Variants in ZHX2 observed in about 807,000 individuals in gnomAD.
The protein encoded by ZHX2 is zinc fingers and homeoboxes protein 2.
ZHX2 carries 6 observed loss-of-function variants against 21.9 expected under a neutral mutation model. That is an observed-to-expected ratio of 0.27 (90% confidence interval 0.15 to 0.54). The LOEUF (loss-of-function observed/expected upper bound fraction) is 0.54, where lower values mean the gene tolerates loss of function less well. Among genes scored for constraint, ZHX2 ranks in the 20% least tolerant of loss-of-function variants. The pLI, the probability that ZHX2 is intolerant of heterozygous loss-of-function variation, is 0.95. For synonymous variants in ZHX2, 434 were observed against 437.1 expected (o/e 0.99, Z 0.09); for missense variants, 908 against 1,090.7 (o/e 0.83, Z 2.36).
rs111715209 is a variant in ZHX2, at chr8:122,862,655, A to G, written c.-282-822A>G. The stretch of plus-strand genomic sequence containing the variant: ...GCCACCTGAAAGTTTTCTTTCCCCC[A>G]GCCAAAAGGTTCTCCTTTGAAAACA... On this transcript the variant is annotated intron_variant, in intron 1 of 3. Transcript: ENST00000314393. Among the ~76,000 whole-genome samples the G allele has an allele frequency of 9.2e-3, 1,405 of 152,288 alleles. 27 individuals carry two copies. The highest frequency in any genetic ancestry group is 0.032 in the African/African-American group (1,319 of 41,552).
chr8:122,783,066 A>AGGC, intron 1 of ZHX2, among the ~76,000 whole-genome samples: 1 of 152,142 alleles, frequency 6.6e-6, no homozygotes, highest in East Asian at 1.9e-4. Context: ...GAGGAGGTGG[A>AGGC]GGCGGCGGCG....
intron 2 of ZHX2, among the ~76,000 whole-genome samples, chr8:122,914,260 A>G (rs1024800587): frequency 6.6e-6 from 1 of 152,230 alleles, no homozygotes; most frequent in African/African-American, 2.4e-5. Flanking sequence ...TCTGCCAGGC[A>G]GCCTGAGTGG....
At chr8:122,928,952 C>A (rs900229061) in intron 2 of ZHX2, among the ~76,000 whole-genome samples, 2 of 152,158 alleles carry the variant, frequency 1.3e-5, no homozygotes, top group Non-Finnish European at 2.9e-5. Flanking sequence ...GTTACAATTA[C>A]TATCATTATT....
At chr8:122,859,975 G>GTATCAGTCC (rs1293049928) in intron 1 of ZHX2, among the ~76,000 whole-genome samples, 1 of 152,176 alleles carries the variant, frequency 6.6e-6, no homozygotes, top group Admixed American at 6.5e-5. Flanking sequence ...ATTAGTACCT[G>GTATCAGTCC]TATCAGTCCA....
chr8:122,929,618 G>C (rs182557272), intron 2 of ZHX2, among the ~76,000 whole-genome samples: 3 of 151,414 alleles, frequency 2.0e-5, no homozygotes, highest in Admixed American at 2.0e-4. Flanking sequence ...GCTCCAGCCT[G>C]GGTGACAGCG....
At chr8:122,804,863 C>T (rs1817793016) in intron 1 of ZHX2, among the ~76,000 whole-genome samples, 1 of 152,288 alleles carries the variant, frequency 6.6e-6, no homozygotes, top group Middle Eastern at 3.4e-3. Flanking sequence ...ACATACAATG[C>T]CGTGTCTGGA....
chr8:122,789,728 A>G (rs1342581136), intron 1 of ZHX2, among the ~76,000 whole-genome samples: 2 of 152,236 alleles, frequency 1.3e-5, no homozygotes, highest in African/African-American at 4.8e-5. Context: ...CATTAAGGGG[A>G]AAAGATGGGT....
At chr8:122,913,070 G>A (rs751819359) in intron 2 of ZHX2, among the ~76,000 whole-genome samples, 9 of 152,150 alleles carry the variant, frequency 5.9e-5, no homozygotes, top group Non-Finnish European at 1.0e-4. Flanking sequence ...AGCTCTAGGC[G>A]ACCACTCATC....
intron 2 of ZHX2, among the ~76,000 whole-genome samples, chr8:122,929,239 T>C (rs1820925582): frequency 2.0e-5 from 3 of 152,184 alleles, no homozygotes; most frequent in Admixed American, 2.0e-4. Context: ...CAGCCAGAGC[T>C]CCTTGATCAG....
At chr8:122,901,618 C>T (rs1820232302) in intron 2 of ZHX2, among the ~76,000 whole-genome samples, 1 of 152,194 alleles carries the variant, frequency 6.6e-6, no homozygotes, top group Non-Finnish European at 1.5e-5. Context: ...CTCTTTAAAA[C>T]CACTTGTACG....
At chr8:122,845,327 A>G (rs1586319515) in intron 1 of ZHX2, among the ~76,000 whole-genome samples, 2 of 152,238 alleles carry the variant, frequency 1.3e-5, no homozygotes, top group East Asian at 3.8e-4. Flanking sequence ...TGAAGATCAC[A>G]TTATTGTCAT....
chr8:122,793,208 C>T (rs1817553708), intron 1 of ZHX2, among the ~76,000 whole-genome samples: 1 of 152,212 alleles, frequency 6.6e-6, no homozygotes, highest in Non-Finnish European at 1.5e-5. Flanking sequence ...TGGCATATGT[C>T]TGACCTTACC....
At chr8:122,920,924 C>T (rs986356736) in intron 2 of ZHX2, among the ~76,000 whole-genome samples, 5 of 152,154 alleles carry the variant, frequency 3.3e-5, no homozygotes, top group Non-Finnish European at 7.4e-5. Flanking sequence ...CCTACGTTTG[C>T]GTCCTGCTTT....
At chr8:122,834,955 G>A (rs1454471738) in intron 1 of ZHX2, among the ~76,000 whole-genome samples, 1 of 152,182 alleles carries the variant, frequency 6.6e-6, no homozygotes, top group Non-Finnish European at 1.5e-5. Flanking sequence ...CCTGGTTGGG[G>A]ACTGCCTCCG....
intron 2 of ZHX2, among the ~76,000 whole-genome samples, chr8:122,941,760 T>C (rs566070238): frequency 6.6e-6 from 1 of 152,146 alleles, no homozygotes; most frequent in African/African-American, 2.4e-5. Context: ...AGCCAAGTGA[T>C]GTCTTGATTC....
At chr8:122,796,549 C>T (rs535189441) in intron 1 of ZHX2, among the ~76,000 whole-genome samples, 1 of 152,274 alleles carries the variant, frequency 6.6e-6, no homozygotes, top group African/African-American at 2.4e-5. Context: ...GAATAGCAGA[C>T]CATTCTGTAA....
chr8:122,812,270 A>G (rs1817947073), intron 1 of ZHX2, among the ~76,000 whole-genome samples: 1 of 152,194 alleles, frequency 6.6e-6, no homozygotes, highest in Admixed American at 6.5e-5. Flanking sequence ...CCAGATGGAA[A>G]AGAGCCTTAT....
intron 1 of ZHX2, among the ~76,000 whole-genome samples, chr8:122,790,189 A>C (rs1817484103): frequency 6.6e-6 from 1 of 152,240 alleles, no homozygotes; most frequent in Non-Finnish European, 1.5e-5. Context: ...GGTAGGATCC[A>C]GGAATGCTCT....
chr8:122,926,935 T>A (rs1326048296), intron 2 of ZHX2, among the ~76,000 whole-genome samples: 1 of 152,172 alleles, frequency 6.6e-6, no homozygotes, highest in Non-Finnish European at 1.5e-5. Context: ...TCATCCAGAA[T>A]GATCTCCCCA....
Sources: gnomAD v4.1 joint callset for allele counts (sites outside exome capture counted in the v4.1 genomes callset) on GRCh38, gnomAD v4.1.1 for gene constraint, MANE v1.5 for transcripts, NCBI Gene and HGNC (gene_info 2026-07-23, HGNC 2026-07-21) for gene names.